The following RCC1L variants were observed in gnomAD, a reference collection of about 807,000 sequenced individuals.
RCC1L encodes RCC1-like G exchanging factor-like protein.
Under a neutral mutation model 58.6 loss-of-function variants are expected in RCC1L, and 46 were observed. The observed-to-expected ratio is 0.79, with a 90% CI of 0.62 to 1.00. The LOEUF is 1.00. RCC1L is among the 50% of genes least tolerant of loss of function. The pLI is 0.00. For synonymous variants in RCC1L, 281 were observed against 262.9 expected, an observed-to-expected ratio of 1.07 and a Z score of -0.67; for missense variants, 636 against 623.6, an observed-to-expected ratio of 1.02 and a Z score of -0.21.
In RCC1L at chr7:75,052,771, G is replaced by A; in HGVS notation, c.1257C>T (p.Gly419=). The A allele has an allele frequency of 6.2e-7, 1 of 1,613,350 alleles. No homozygotes were observed. Among genetic ancestry groups the A allele is most frequent in the Non-Finnish European group, 8.5e-7 (1 of 1,179,726 alleles). ...LTNKGELFVW[G]KNIRGCLGIG... ...TTCCCAGGCACCCTCGGATGTTCTT[G>A]CCCCATACAAACAGCTCTCCTTTGT... Residue 419 remains glycine, a synonymous_variant, in exon 10 of 11, where the codon GGC becomes GGT. Coordinates refer to ENST00000610322, the MANE Select transcript of RCC1L (RefSeq NM_030798.5).
rs1554443893 is a variant in RCC1L, at chr7:75,056,018, C to T, written c.1114G>A (p.Val372Met). ...YGILGKGPNLVESAVPEMIPP... is the reference protein window; with the variant it reads ...YGILGKGPNLMESAVPEMIPP... ...ATCATTTCAGGGACGGCACTTTCCA[C>T]TAGGTTTGGACCTTTCCCAAGAATT... is the stretch of plus-strand genomic sequence containing the variant. Residue 372 changes from valine (V) to methionine (M), a missense_variant, in exon 9 of 11, where the codon GTG (valine) becomes ATG (methionine). Transcript: ENST00000610322. 6.2e-7 allele frequency: 1 copy of T among 1,613,960 alleles called. No homozygotes were observed. Among genetic ancestry groups the T allele is most frequent in the Admixed American group, 1.7e-5 (1 of 59,996 alleles).
At chr7:75,050,504 G>C (rs894508219) in intron 10 of RCC1L, among the ~76,000 whole-genome samples, 1 of 152,174 alleles carries the variant, frequency 6.6e-6, no homozygotes, top group African/African-American at 2.4e-5. Context: ...TGAAGGAAAT[G>C]AGGGCGGGGG....
At chr7:75,033,644 G>A (rs1459587508) in intron 10 of RCC1L, among the ~76,000 whole-genome samples, 3 of 151,350 alleles carry the variant, frequency 2.0e-5, no homozygotes, top group Non-Finnish European at 2.9e-5. Flanking sequence ...GCAGTGAGCC[G>A]AGACCACGCC....
intron 6 of RCC1L, among the ~76,000 whole-genome samples, chr7:75,059,818 G>A (rs2131997859): frequency 6.6e-6 from 1 of 152,214 alleles, no homozygotes; most frequent in Admixed American, 6.5e-5. Flanking sequence ...ACTTAAAATG[G>A]CATGGTTAAC....
intron 4 of RCC1L, among the ~76,000 whole-genome samples, chr7:75,063,835 G>C (rs929135128): frequency 1.3e-5 from 2 of 151,902 alleles, no homozygotes; most frequent in East Asian, 3.9e-4. Flanking sequence ...CATGAGAATC[G>C]CTTGAACTTG....
intron 10 of RCC1L, among the ~76,000 whole-genome samples, chr7:75,051,861 A>G (rs1805924522): frequency 6.6e-6 from 1 of 152,174 alleles, no homozygotes; most frequent in African/African-American, 2.4e-5. Flanking sequence ...CTCTATGCAG[A>G]GACTATCTCT....
In RCC1L at chr7:75,058,627, C is replaced by T. The variant is rs1024476821; in HGVS notation, c.930G>A (p.Ser310=). Residue 310 remains serine, a synonymous_variant, in exon 7 of 11, where the codon TCG becomes TCA. Transcript: ENST00000610322. Reference sequence around the variant, plus strand: ...TGACAGAGGCCAGCTGCAGGTACTCCGAGTTTCCCCAACCAAAAAGTCCTC... The same window carrying T: ...TGACAGAGGCCAGCTGCAGGTACTCTGAGTTTCCCCAACCAAAAAGTCCTC... ...ADGGLFGWGN[S]EYLQLASVTD... The T allele has an allele frequency of 1.6e-4, 256 of 1,612,060 alleles. No individual in the cohort carries two copies. Among genetic ancestry groups the T allele is most frequent in the Non-Finnish European group, 2.0e-4 (234 of 1,179,060 alleles).
chr7:75,065,181 T>C (rs1554444926), intron 3 of RCC1L, among the ~76,000 whole-genome samples: 1 of 151,700 alleles, frequency 6.6e-6, no homozygotes, highest in Non-Finnish European at 1.5e-5. Flanking sequence ...TAACGTTTAC[T>C]TTTTAATTAA....
At chr7:75,027,475 T>G (rs1319240400) in exon 11 of RCC1L, 2 of 159,516 alleles carry the variant, frequency 1.3e-5, no homozygotes, top group Admixed American at 1.2e-4. Context: ...GTGTCCTGCC[T>G]CCGTGGGTGG....
chr7:75,072,998 G>A (rs1806822486), intron 1 of RCC1L, among the ~76,000 whole-genome samples: 1 of 152,174 alleles, frequency 6.6e-6, no homozygotes, highest in South Asian at 2.1e-4. Context: ...AAACACCTCA[G>A]CTGGTATACA....
At chr7:75,059,316 G>A (rs1324333442) in intron 6 of RCC1L, among the ~76,000 whole-genome samples, 17 of 148,492 alleles carry the variant, frequency 1.1e-4, no homozygotes, top group South Asian at 2.1e-4. Context: ...TGGCTGCAGC[G>A]CAGTGGTGCG....
rs587750405 is a variant in RCC1L at position 75,065,758 on chromosome 7, C to G, written c.583+906G>C. Among the ~76,000 whole-genome samples the G allele has an allele frequency of 6.6e-5, 10 of 152,222 alleles. No individual in the cohort carries two copies. The East Asian group carries it at 1.9e-3, about 29-fold the overall frequency. ...TCCGGCCGGGCATAGTGGGTCACGT[C>G]TATAATCCCAGCACTTTGGGAGACC... On this transcript the variant is annotated intron_variant, in intron 3 of 10. Transcript: ENST00000610322.
intron 10 of RCC1L, among the ~76,000 whole-genome samples, chr7:75,035,794 G>A (rs1805419843): frequency 6.6e-6 from 1 of 151,804 alleles, no homozygotes; most frequent in East Asian, 1.9e-4. Flanking sequence ...TTGAGCCCAG[G>A]AGTTCAATAC....
At position 75,066,690 on chromosome 7, in the gene RCC1L, G is replaced by C; in HGVS notation, c.557C>G (p.Ser186Cys). ...TCCTTCCCTGTCAGTCAACACAAGAGAGTGAGCTCGGCCGCAGGAGACCTG... is the reference window on the plus strand; with the variant it reads ...TCCTTCCCTGTCAGTCAACACAAGACAGTGAGCTCGGCCGCAGGAGACCTG... ...VLQVSCGRAHSLVLTDREGVF... is the reference protein window; with the variant it reads ...VLQVSCGRAHCLVLTDREGVF... Residue 186 changes from serine (S) to cysteine (C), a missense_variant, in exon 3 of 11, where the codon TCT becomes TGT. Coordinates refer to ENST00000610322, the MANE Select transcript of RCC1L (RefSeq NM_030798.5). 6.2e-7 allele frequency: 1 copy of C among 1,613,200 alleles called. No individual in the cohort carries two copies. Among genetic ancestry groups the C allele is most frequent in the South Asian group, 1.1e-5 (1 of 91,026 alleles).
chr7:75,057,022 G>A (rs1430199063), intron 8 of RCC1L, among the ~76,000 whole-genome samples: 1 of 152,112 alleles, frequency 6.6e-6, no homozygotes, highest in Non-Finnish European at 1.5e-5. Flanking sequence ...CATCCAGGCT[G>A]GAGTGCAGTG....
At chr7:75,056,518 G>A (rs1480645713) in intron 8 of RCC1L, 2 of 1,508,640 alleles carry the variant, frequency 1.3e-6, no homozygotes, top group African/African-American at 1.4e-5. Flanking sequence ...TGATGTTTTG[G>A]TTATAGAAAG....
At chr7:75,058,962 A>C (rs1806179751) in intron 6 of RCC1L, among the ~76,000 whole-genome samples, 193 bp from the exon 7 acceptor site, 1 of 150,646 alleles carries the variant, frequency 6.6e-6, no homozygotes, top group Admixed American at 6.7e-5. Flanking sequence ...AGATCACTTG[A>C]GGTCAGGAGT....
intron 3 of RCC1L, among the ~76,000 whole-genome samples, chr7:75,065,279 G>T (rs1457683919): frequency 6.6e-6 from 1 of 152,128 alleles, no homozygotes; most frequent in Non-Finnish European, 1.5e-5. Flanking sequence ...TTGAGGCTAG[G>T]CACAGTGGCT....
At chr7:75,044,158 C>T (rs1805647850) in intron 10 of RCC1L, among the ~76,000 whole-genome samples, 1 of 152,198 alleles carries the variant, frequency 6.6e-6, no homozygotes, top group Non-Finnish European at 1.5e-5. Context: ...ACACCCTCAA[C>T]AACTCCAGGT....
Sources: gnomAD v4.1 joint callset for allele counts (sites outside exome capture counted in the v4.1 genomes callset) on GRCh38, gnomAD v4.1.1 for gene constraint, MANE v1.5 for transcripts, NCBI Gene and HGNC (gene_info 2026-07-23, HGNC 2026-07-21) for gene names.